LTBP1: variants seen among roughly 807,000 people sequenced by gnomAD.
LTBP1 encodes latent-transforming growth factor beta-binding protein 1.
Under a neutral mutation model 207.6 loss-of-function variants are expected in LTBP1, and 129 were observed. The observed-to-expected ratio is 0.62, with a 90% CI of 0.54 to 0.72. LTBP1 has a LOEUF of 0.72. Among genes scored for constraint, LTBP1 ranks in the 30% least tolerant of loss-of-function variants. The pLI, the probability that LTBP1 is intolerant of heterozygous loss-of-function variation, is 0.00. For synonymous variants in LTBP1, 963 were observed against 833.7 expected (o/e 1.16, Z -2.67); for missense variants, 2,281 against 2,217.2 (o/e 1.03, Z -0.58).
At chr2:33,302,009 C>A (rs1344451380) in intron 22 of LTBP1, among the ~76,000 whole-genome samples, 2 of 152,168 alleles carry the variant, frequency 1.3e-5, no homozygotes, top group African/African-American at 4.8e-5. Flanking sequence ...ATTTTCCAGG[C>A]AATTAGAAGG....
intron 31 of LTBP1, among the ~76,000 whole-genome samples, chr2:33,371,757 G>A (rs146610909): frequency 1.3e-5 from 2 of 152,268 alleles, no homozygotes; most frequent in East Asian, 3.9e-4. Context: ...GCCATCTTAG[G>A]TATACAGTTA....
chr2:32,956,433 A>T (rs192265961), intron 2 of LTBP1, among the ~76,000 whole-genome samples: 1 of 152,330 alleles, frequency 6.6e-6, no homozygotes, highest in East Asian at 1.9e-4. Context: ...AGTAGATTCC[A>T]TCTCAAGAAA....
At chr2:33,019,548 T>C (rs1306743501) in intron 2 of LTBP1, among the ~76,000 whole-genome samples, 1 of 151,960 alleles carries the variant, frequency 6.6e-6, no homozygotes, top group African/African-American at 2.4e-5. Flanking sequence ...TTGACCAGGC[T>C]GGTCTCGAAC....
intron 24 of LTBP1, among the ~76,000 whole-genome samples, chr2:33,332,411 C>G (rs1244327573): frequency 7.2e-6 from 1 of 139,810 alleles, no homozygotes. Context: ...GAGAGAGAGA[C>G]AGAGACACTC....
At chr2:33,145,145 G>T (rs1200202021) in intron 5 of LTBP1, among the ~76,000 whole-genome samples, 2 of 152,032 alleles carry the variant, frequency 1.3e-5, no homozygotes, top group African/African-American at 4.8e-5. Flanking sequence ...TTAGTTGAAG[G>T]GTATGGGCCT....
chr2:33,104,089 GC>G (rs2079914570), intron 3 of LTBP1, among the ~76,000 whole-genome samples: 1 of 152,226 alleles, frequency 6.6e-6, no homozygotes, highest in African/African-American at 2.4e-5. Flanking sequence ...CTTGTGTTCT[GC>G]CAGATCCTCC....
chr2:33,062,717 A>G (rs2077325356), intron 3 of LTBP1, among the ~76,000 whole-genome samples: 1 of 151,872 alleles, frequency 6.6e-6, no homozygotes, highest in South Asian at 2.1e-4. Context: ...ATGTTCCAAG[A>G]CCCCCAATGG....
At position 33,385,079 on chromosome 2, in the gene LTBP1, C is replaced by T. The variant is rs189141193; in HGVS notation, c.4712-4105C>T. 1.5e-3 allele frequency among the ~76,000 whole-genome samples: 226 copies of T among 152,264 alleles called. 1 individual carries two copies. Among genetic ancestry groups the T allele is most frequent in the East Asian group, 7.7e-4 (4 of 5,180 alleles). ...AAATTCTTGGACATCAGTTTTTCCC[C>T]TGTACTTTGAGTTCTGATGATCTAA... On this transcript the variant is annotated intron_variant, in intron 31 of 33. Coordinates refer to ENST00000404816, the MANE Select transcript of LTBP1 (RefSeq NM_206943.4).
intron 3 of LTBP1, among the ~76,000 whole-genome samples, chr2:33,091,168 A>T (rs1032513776): frequency 6.6e-6 from 1 of 152,040 alleles, no homozygotes; most frequent in Non-Finnish European, 1.5e-5. Context: ...GTGTGTATGT[A>T]TGTGTGTGCA....
chr2:33,115,330 T>C (rs924665538), intron 4 of LTBP1, among the ~76,000 whole-genome samples: 1 of 152,060 alleles, frequency 6.6e-6, no homozygotes, highest in Non-Finnish European at 1.5e-5. Flanking sequence ...AGATTAGCGG[T>C]TGCCAGGGAC....
intron 24 of LTBP1, among the ~76,000 whole-genome samples, chr2:33,339,288 A>G (rs967914611): frequency 6.6e-6 from 1 of 152,210 alleles, no homozygotes; most frequent in Admixed American, 6.5e-5. Context: ...TAGGTATTAG[A>G]TAAGTGGTTC....
chr2:33,173,097 A>C (rs1170150481), intron 5 of LTBP1, among the ~76,000 whole-genome samples: 1 of 152,236 alleles, frequency 6.6e-6, no homozygotes, highest in Non-Finnish European at 1.5e-5. Flanking sequence ...TAAAAGAACT[A>C]GAAAAGCAAG....
At chr2:33,289,645 C>G (rs1218042203) in intron 19 of LTBP1, among the ~76,000 whole-genome samples, 2 of 152,200 alleles carry the variant, frequency 1.3e-5, no homozygotes. Flanking sequence ...GGATTATAGA[C>G]AAGAGCCACC....
chr2:33,367,403 A>G (rs995477874), intron 31 of LTBP1, among the ~76,000 whole-genome samples: 4 of 151,470 alleles, frequency 2.6e-5, no homozygotes, highest in Admixed American at 2.6e-4. Context: ...CTTACCTGCA[A>G]GTATTCCATA....
intron 2 of LTBP1, among the ~76,000 whole-genome samples, chr2:32,982,161 G>A (rs1682864098): frequency 1.3e-5 from 2 of 152,148 alleles, no homozygotes; most frequent in African/African-American, 4.8e-5. Flanking sequence ...ATAAAGTCCA[G>A]GCTGAGGTGG....
At chr2:33,356,877 G>C (rs1454070114) in intron 26 of LTBP1, among the ~76,000 whole-genome samples, 1 of 152,166 alleles carries the variant, frequency 6.6e-6, no homozygotes, top group African/African-American at 2.4e-5. Context: ...CACACACACA[G>C]AGTTTTATCC....
intron 19 of LTBP1, among the ~76,000 whole-genome samples, chr2:33,281,867 G>A (rs912480607): frequency 4.6e-5 from 7 of 152,020 alleles, no homozygotes; most frequent in Admixed American, 6.6e-5. Flanking sequence ...GGTTCCATGC[G>A]TATTCTCATT....
intron 24 of LTBP1, among the ~76,000 whole-genome samples, chr2:33,332,472 T>G (rs1482620216): frequency 1.3e-5 from 2 of 151,492 alleles, no homozygotes; most frequent in Non-Finnish European, 2.9e-5. Context: ...AAAAAATCAT[T>G]TATCAACCAG....
chr2:33,230,733 A>G (rs1478362000), intron 9 of LTBP1, among the ~76,000 whole-genome samples: 1 of 152,206 alleles, frequency 6.6e-6, no homozygotes, highest in Non-Finnish European at 1.5e-5. Context: ...ATGTAAATCT[A>G]AGTTTCAAAA....
Sources: gnomAD v4.1 joint callset for allele counts (sites outside exome capture counted in the v4.1 genomes callset) on GRCh38, gnomAD v4.1.1 for gene constraint, MANE v1.5 for transcripts, NCBI Gene and HGNC (gene_info 2026-07-23, HGNC 2026-07-21) for gene names.